Variants in CPNE8 observed in about 807,000 individuals in gnomAD.
CPNE8 encodes copine 8, also known as copine-8.
Under a neutral mutation model 81.5 loss-of-function variants are expected in CPNE8, and 45 were observed. The observed-to-expected ratio is 0.55, with a 90% CI of 0.44 to 0.71. The LOEUF is 0.71. CPNE8 is among the 30% of genes least tolerant of loss of function. The pLI, the probability that CPNE8 is intolerant of heterozygous loss-of-function variation, is 0.00. For missense variants in CPNE8, 594 were observed against 672.1 expected, an observed-to-expected ratio of 0.88 and a Z score of 1.28; for synonymous variants, 252 against 226.3, an observed-to-expected ratio of 1.11 and a Z score of -1.02.
At chr12:38,724,165 A>C (rs1940639154) in intron 12 of CPNE8, among the ~76,000 whole-genome samples, 1 of 152,172 alleles carries the variant, frequency 6.6e-6, no homozygotes, top group South Asian at 2.1e-4. Context: ...AAAAACCAAA[A>C]TCAGTGAGCA....
intron 6 of CPNE8, among the ~76,000 whole-genome samples, chr12:38,786,056 C>T (rs2136916659): frequency 6.6e-6 from 1 of 152,190 alleles, no homozygotes; most frequent in Admixed American, 6.5e-5. Flanking sequence ...AAAGTCCTTA[C>T]TTATCAATAA....
chr12:38,890,741 C>G (rs1330224307), intron 1 of CPNE8, among the ~76,000 whole-genome samples: 1 of 151,996 alleles, frequency 6.6e-6, no homozygotes, highest in Non-Finnish European at 1.5e-5. Flanking sequence ...TATTTTTCCC[C>G]AAGACAAAAG....
chr12:38,730,361 A>C lies in CPNE8; in HGVS notation c.723-3T>G. ...TAAATTCTCCAATGAAATCATGACT[A>C]AAATTAAAGGAAAAAAGTACATAAT... On this transcript the variant is annotated splice_polypyrimidine_tract_variant and splice_region_variant and intron_variant, in intron 10 of 19. Transcript: ENST00000331366. 7.0e-7 allele frequency: 1 copy of C among 1,426,638 alleles called. No individual in the cohort carries two copies. The highest frequency in any genetic ancestry group is 2.2e-5 in the Admixed American group (1 of 45,174). 88.4% of individuals were successfully genotyped at this position (1,426,638 alleles called of 1,614,324 possible).
At chr12:38,727,009 G>C (rs538301881) in intron 11 of CPNE8, among the ~76,000 whole-genome samples, 1 of 152,102 alleles carries the variant, frequency 6.6e-6, no homozygotes, top group Admixed American at 6.6e-5. Flanking sequence ...AGTAGCATCC[G>C]TCACTTCTAA....
At chr12:38,713,876 A>G (rs919005832) in intron 13 of CPNE8, among the ~76,000 whole-genome samples, 2 of 152,112 alleles carry the variant, frequency 1.3e-5, no homozygotes, top group Non-Finnish European at 2.9e-5. Context: ...TTTCTAACAC[A>G]CTCAATTTTC....
At chr12:38,770,092 C>T (rs1941770982) in intron 7 of CPNE8, among the ~76,000 whole-genome samples, 1 of 152,126 alleles carries the variant, frequency 6.6e-6, no homozygotes, top group Non-Finnish European at 1.5e-5. Context: ...TTAATGTCAC[C>T]TAATACATTT....
At position 38,675,574 on chromosome 12, in the gene CPNE8, A is replaced by T. The variant is rs1939269534; in HGVS notation, c.1432+143T>A. On this transcript the variant is annotated intron_variant, in intron 18 of 19. Transcript: ENST00000331366. ...TCATGAGCTATCTATGTATATGTCT[A>T]ATTATGGACACATGAACATTATATA... The T allele has an allele frequency of 8.4e-6, 5 of 597,800 alleles. No homozygotes were observed. In the South Asian group the frequency reaches 1.1e-4, roughly 13 times the overall value. 37.0% of individuals were successfully genotyped at this position (597,800 alleles called of 1,614,324 possible).
intron 1 of CPNE8, among the ~76,000 whole-genome samples, chr12:38,898,818 T>A (rs1944422275): frequency 6.6e-6 from 1 of 152,180 alleles, no homozygotes; most frequent in Non-Finnish European, 1.5e-5. Flanking sequence ...CACTCTCTCT[T>A]GGAATCTAAC....
chr12:38,761,474 A>G (rs1439386802), intron 9 of CPNE8, among the ~76,000 whole-genome samples: 1 of 152,250 alleles, frequency 6.6e-6, no homozygotes, highest in Non-Finnish European at 1.5e-5. Context: ...AAAGAATGAT[A>G]GTCAAGTGGC....
chr12:38,799,756 T>C (rs1459377480), intron 6 of CPNE8, among the ~76,000 whole-genome samples: 1 of 145,090 alleles, frequency 6.9e-6, no homozygotes, highest in African/African-American at 2.5e-5. Context: ...CGGGTTCATC[T>C]CACTAGGGAG....
chr12:38,720,457 A>G (rs826853), intron 13 of CPNE8, among the ~76,000 whole-genome samples: 15,692 of 152,192 alleles, frequency 0.1, 1,018 homozygotes, highest in East Asian at 0.25. Flanking sequence ...AACGTACTGG[A>G]TATCTGTTAT....
At position 38,844,612 on chromosome 12, in the gene CPNE8, T is replaced by TA. The variant is rs1012994734; in HGVS notation, c.290+3946dup. Reference sequence around the variant, plus strand: ...TATCTCAGACATACCATAGTAACAATAAAAAAAATTATTATCGGTTAACTA... The same window carrying TA: ...TATCTCAGACATACCATAGTAACAATAAAAAAAAATTATTATCGGTTAACTA... On this transcript the variant is annotated intron_variant, in intron 4 of 19. Transcript: ENST00000331366. Among the ~76,000 whole-genome samples the TA allele has an allele frequency of 1.5e-4, 23 of 151,996 alleles. No individual in the cohort carries two copies. In the South Asian group the frequency reaches 2.3e-3, roughly 15 times the overall value.
At chr12:38,782,351 C>T (rs1040272251) in intron 6 of CPNE8, among the ~76,000 whole-genome samples, 1 of 152,054 alleles carries the variant, frequency 6.6e-6, no homozygotes, top group Non-Finnish European at 1.5e-5. Context: ...GGAAAATATA[C>T]CTATAATGAC....
intron 10 of CPNE8, among the ~76,000 whole-genome samples, chr12:38,749,898 AG>A (rs1276355918): frequency 6.6e-6 from 1 of 152,202 alleles, no homozygotes; most frequent in Non-Finnish European, 1.5e-5. Flanking sequence ...TGCATAAGGA[AG>A]GAGGAGCCAA....
intron 4 of CPNE8, among the ~76,000 whole-genome samples, chr12:38,847,068 A>G (rs1025969580): frequency 1.3e-5 from 2 of 152,128 alleles, no homozygotes; most frequent in Non-Finnish European, 2.9e-5. Context: ...AAATCCCAGC[A>G]TATACATTGA....
chr12:38,700,884 T>G (rs987952384), intron 14 of CPNE8, among the ~76,000 whole-genome samples: 20 of 152,274 alleles, frequency 1.3e-4, no homozygotes, highest in South Asian at 4.1e-4. Context: ...GACATAACTT[T>G]GCTCCTCATT....
intron 15 of CPNE8, among the ~76,000 whole-genome samples, chr12:38,688,966 A>G (rs1939605737): frequency 1.3e-5 from 2 of 152,200 alleles, no homozygotes; most frequent in South Asian, 4.1e-4. Flanking sequence ...AATAAGTAAA[A>G]ACATTTTAAA....
intron 6 of CPNE8, among the ~76,000 whole-genome samples, chr12:38,777,813 G>C (rs1202573900): frequency 3.9e-5 from 6 of 152,168 alleles, no homozygotes; most frequent in Non-Finnish European, 2.9e-5. Context: ...CACGAGATGA[G>C]TGGCAGGCAC....
At chr12:38,764,510 G>A (rs1253883149) in intron 8 of CPNE8, among the ~76,000 whole-genome samples, 1 of 148,290 alleles carries the variant, frequency 6.7e-6, no homozygotes, top group Admixed American at 6.7e-5. Flanking sequence ...CCAGCTACTT[G>A]GGAGGCTGAG....
Sources: gnomAD v4.1 joint callset for allele counts (sites outside exome capture counted in the v4.1 genomes callset) on GRCh38, gnomAD v4.1.1 for gene constraint, MANE v1.5 for transcripts, NCBI Gene and HGNC (gene_info 2026-07-23, HGNC 2026-07-21) for gene names.